Variants in AASS observed in about 807,000 individuals in gnomAD.
AASS encodes alpha-aminoadipic semialdehyde synthase, mitochondrial.
AASS carries 86 observed loss-of-function variants against 105.4 expected under a neutral mutation model. That is an observed-to-expected ratio of 0.82 (90% CI 0.69 to 0.98). AASS has a LOEUF of 0.98. Ranked by LOEUF, AASS falls within the 50% of genes least tolerant of loss-of-function variation. The pLI, the probability that AASS is intolerant of heterozygous loss-of-function variation, is 0.00. For missense variants in AASS, 1,048 were observed against 1,143.2 expected, an observed-to-expected ratio of 0.92 and a Z score of 1.20; for synonymous variants, 381 against 394.8, an observed-to-expected ratio of 0.96 and a Z score of 0.41.
At chr7:122,082,937 T>A (rs914489353) in intron 19 of AASS, 1 of 1,135,712 alleles carries the variant, frequency 8.8e-7, no homozygotes, top group African/African-American at 1.6e-5. Flanking sequence ...GAATAATAGA[T>A]GAAGTGAAGA....
rs770681952 is a variant in AASS, at chr7:122,116,642, A to G, written c.885T>C (p.Phe295=). The G allele has an allele frequency of 7.4e-6, 12 of 1,614,004 alleles. No homozygotes were observed. The highest frequency in any genetic ancestry group is 1.0e-5 in the Non-Finnish European group (12 of 1,180,000). ...TGAATATGATACTCACATCAGTATT[A>G]AAACGACTTATGTAGCGCTCCGGAT... The part of the protein sequence containing the change: ...DKHPERYISR[F]NTDIAPYTTC... The change falls in exon 8 of 24, where the codon TTT becomes TTC. Residue 295 remains phenylalanine (F), a synonymous_variant. Coordinates refer to ENST00000417368, the MANE Select transcript of AASS (RefSeq NM_005763.4).
intron 11 of AASS, 119 bp from the exon 12 acceptor site, chr7:122,101,799 G>A (rs1468016631): frequency 1.3e-6 from 1 of 778,006 alleles, no homozygotes; most frequent in African/African-American, 1.7e-5. Flanking sequence ...ACAGTTTTCT[G>A]AGGATCACCG....
intron 3 of AASS, among the ~76,000 whole-genome samples, chr7:122,128,265 C>G (rs1346410013): frequency 6.6e-6 from 1 of 152,174 alleles, no homozygotes; most frequent in African/African-American, 2.4e-5. Flanking sequence ...ATGTTGCTCT[C>G]CTCCTCCCAC....
intron 20 of AASS, 151 bp from the exon 21 acceptor site, chr7:122,079,863 A>ACACACATACACACATCT: frequency 1.5e-6 from 1 of 647,216 alleles, no homozygotes; most frequent in Non-Finnish European, 2.8e-6. Flanking sequence ...TAACACATAC[A>ACACACATACACACATCT]CACACATACA....
chr7:122,092,926 T>C lies in AASS; in HGVS notation c.1792A>G (p.Ile598Val). The C allele has an allele frequency of 6.2e-7, 1 of 1,613,876 alleles. No individual in the cohort carries two copies. The highest frequency in any genetic ancestry group is 8.5e-7 in the Non-Finnish European group (1 of 1,179,874). ...KSVEDAGITI[I>V]GELGLDPGLD... is the part of the protein sequence containing the mutation. ...CCAGGGTCCAATCCCAATTCACCAA[T>C]GATTGTGATGCCAGCATCTTCCACA... The change falls in exon 17 of 24, where the codon ATT becomes GTT. Residue 598 changes from isoleucine (I) to valine (V), a missense_variant. Transcript: ENST00000417368.
intron 22 of AASS, 80 bp from the exon 23 acceptor site, chr7:122,078,094 G>T (rs1014474544): frequency 1.2e-5 from 16 of 1,380,514 alleles, no homozygotes; most frequent in Non-Finnish European, 1.6e-5. Context: ...CTGCCCTTCT[G>T]GTCTTAAAAG....
intron 22 of AASS, 100 bp downstream of exon 22, chr7:122,078,762 A>G (rs899680244): frequency 2.7e-6 from 3 of 1,118,482 alleles, no homozygotes; most frequent in Non-Finnish European, 2.7e-6. Context: ...ACATCTTCCC[A>G]TTCCTGCTGC....
intron 19 of AASS, 40 bp from the exon 20 acceptor site, chr7:122,081,635 C>T: frequency 6.9e-7 from 1 of 1,443,918 alleles, no homozygotes; most frequent in Non-Finnish European, 9.7e-7. Context: ...AAATTTTTCT[C>T]TTCCAATGAA....
At chr7:122,076,644 G>A (rs974049138) in intron 23 of AASS, 37 bp from the exon 24 acceptor site, 4 of 1,447,126 alleles carry the variant, frequency 2.8e-6, no homozygotes, top group African/African-American at 2.8e-5. Flanking sequence ...CATTTCAAAG[G>A]TTGTGTCAGA....
At chr7:122,098,025 T>G (rs994415646) in intron 15 of AASS, among the ~76,000 whole-genome samples, 4 of 152,002 alleles carry the variant, frequency 2.6e-5, no homozygotes, top group African/African-American at 7.2e-5. Flanking sequence ...AAATTATCAT[T>G]TCAGACAATA....
At chr7:122,090,817 A>ATTTTTTTTTAATAAATTTTTTTATTTTTT (rs1793862924) in intron 18 of AASS, among the ~76,000 whole-genome samples, 1 of 151,860 alleles carries the variant, frequency 6.6e-6, no homozygotes, top group Admixed American at 6.6e-5. Context: ...CCTAAACCTG[A>ATTTTTTTTTAATAAATTTTTTTATTTTTT]TTTTTCCCCT....
At position 122,133,630 on chromosome 7, in the gene AASS, C is replaced by G; in HGVS notation, c.97G>C (p.Val33Leu). The change falls in exon 2 of 24, where the codon GTG (valine) becomes CTG (leucine). Residue 33 changes from valine (V) to leucine (L), a missense_variant. Transcript: ENST00000417368. Reference protein sequence around the residue: ...KAVLAVRREDVNAWERRAPLA... With the variant: ...KAVLAVRREDLNAWERRAPLA... ...GGGGCCCTTCTCTCCCAGGCGTTCA[C>G]ATCCTCCCTCCGGACGGCCAACACA... 6.2e-6 allele frequency: 10 copies of G among 1,614,208 alleles called. No homozygotes were observed. Among genetic ancestry groups the G allele is most frequent in the Non-Finnish European group, 8.5e-6 (10 of 1,180,038 alleles).
intron 19 of AASS, among the ~76,000 whole-genome samples, chr7:122,085,194 AG>A (rs1039664667): frequency 2.0e-5 from 3 of 152,136 alleles, no homozygotes; most frequent in Non-Finnish European, 4.4e-5. Flanking sequence ...AGCCTCCAAA[AG>A]GCACCAACCC....
intron 9 of AASS, among the ~76,000 whole-genome samples, chr7:122,114,672 C>A (rs1417125913): frequency 6.6e-6 from 1 of 152,006 alleles, no homozygotes; most frequent in Non-Finnish European, 1.5e-5. Context: ...AATGGAGAAA[C>A]AAGAGAAGAC....
chr7:122,129,964 T>G (rs891917864), intron 2 of AASS, among the ~76,000 whole-genome samples: 1 of 152,134 alleles, frequency 6.6e-6, no homozygotes, highest in Non-Finnish European at 1.5e-5. Flanking sequence ...AGTTAGTATT[T>G]ATTACTATCC....
chr7:122,085,776 T>A (rs1356119941), intron 19 of AASS, among the ~76,000 whole-genome samples: 2 of 152,050 alleles, frequency 1.3e-5, no homozygotes, highest in African/African-American at 4.8e-5. Flanking sequence ...TCACTTGATC[T>A]CCAACTCTCA....
At chr7:122,089,234 A>G (rs996001335) in intron 18 of AASS, among the ~76,000 whole-genome samples, 1 of 152,122 alleles carries the variant, frequency 6.6e-6, no homozygotes, top group African/African-American at 2.4e-5. Context: ...TGAATTACTG[A>G]CTGAATAATG....
intron 22 of AASS, 144 bp downstream of exon 22, chr7:122,078,718 G>A: frequency 1.3e-6 from 1 of 754,764 alleles, no homozygotes; most frequent in Non-Finnish European, 2.3e-6. Context: ...TCCTCCCTCT[G>A]GAAAAATAGT....
Position 122,116,620 on chromosome 7 carries a change from A to C in AASS, c.894+13T>G, listed in dbSNP as rs772841198. 3 of 1,613,866 alleles carry C rather than the reference A, an allele frequency of 1.9e-6. No individual in the cohort carries two copies. Among genetic ancestry groups the C allele is most frequent in the East Asian group, 2.2e-5 (1 of 44,868 alleles). ...CATAAGCAACCAACTTAAAAGGTGA[A>C]TATGATACTCACATCAGTATTAAAA... is the stretch of plus-strand genomic sequence containing the variant. On this transcript the variant is annotated intron_variant, in intron 8 of 23. Transcript: ENST00000417368.
Sources: allele counts gnomAD v4.1 joint callset (sites outside exome capture counted in the v4.1 genomes callset), GRCh38; gene constraint gnomAD v4.1.1; transcripts MANE v1.5; gene names NCBI Gene and HGNC (gene_info 2026-07-23, HGNC 2026-07-21).